EHBP1: variants seen among roughly 807,000 people sequenced by gnomAD.
The protein encoded by EHBP1 is EH domain binding protein 1.
A neutral mutation model predicts 144.0 loss-of-function variants in EHBP1; 55 were observed. That is an observed-to-expected ratio of 0.38 (90% CI 0.31 to 0.48). The LOEUF (loss-of-function observed/expected upper bound fraction) is 0.48, where lower values mean the gene tolerates loss of function less well. Among genes scored for constraint, EHBP1 ranks in the 20% least tolerant of loss-of-function variants. The probability of loss-of-function intolerance (pLI) is 0.98; values close to 1 mark genes in which losing one functional copy is unlikely to be tolerated. For missense variants in EHBP1, 1,200 were observed against 1,364.2 expected, an observed-to-expected ratio of 0.88 and a Z score of 1.90; for synonymous variants, 469 against 472.7, an observed-to-expected ratio of 0.99 and a Z score of 0.10.
intron 19 of EHBP1, among the ~76,000 whole-genome samples, chr2:63,012,825 A>G (rs1031375235): frequency 1.3e-5 from 2 of 152,200 alleles, no homozygotes; most frequent in Non-Finnish European, 2.9e-5. Flanking sequence ...ATCATTCAAG[A>G]TACAAGGGCA....
chr2:62,789,815 T>C (rs1156647938), intron 5 of EHBP1, among the ~76,000 whole-genome samples: 1 of 152,220 alleles, frequency 6.6e-6, no homozygotes, highest in Non-Finnish European at 1.5e-5. Flanking sequence ...CTCGTGATGC[T>C]GTCACAGATG....
chr2:62,744,685 C>T (rs2038995226), intron 2 of EHBP1, among the ~76,000 whole-genome samples: 1 of 152,092 alleles, frequency 6.6e-6, no homozygotes, highest in Non-Finnish European at 1.5e-5. Context: ...GGCATATATA[C>T]AGCTTAGGAG....
At chr2:63,024,433 T>C (rs1007721053) in intron 19 of EHBP1, among the ~76,000 whole-genome samples, 1 of 151,986 alleles carries the variant, frequency 6.6e-6, no homozygotes, top group African/African-American at 2.4e-5. Context: ...CAATACCCTG[T>C]CTCTACAAAT....
At chr2:62,760,751 A>G (rs547571422) in intron 3 of EHBP1, among the ~76,000 whole-genome samples, 2 of 152,274 alleles carry the variant, frequency 1.3e-5, no homozygotes, top group Admixed American at 6.5e-5. Context: ...AGGGCATGAT[A>G]TGGGTTTGGT....
chr2:62,949,263 G>C (rs942500650), intron 13 of EHBP1, 101 bp downstream of exon 13: 20 of 1,078,940 alleles, frequency 1.9e-5, no homozygotes, highest in Non-Finnish European at 2.5e-5. Context: ...TAAAGGTGAA[G>C]TGTAATTTCT....
At chr2:62,857,483 G>T (rs902359048) in intron 7 of EHBP1, among the ~76,000 whole-genome samples, 2 of 152,076 alleles carry the variant, frequency 1.3e-5, no homozygotes, top group Non-Finnish European at 2.9e-5. Flanking sequence ...TGTGCCCTTA[G>T]GTTTACAATG....
chr2:63,018,905 A>G (rs951040619), intron 19 of EHBP1, among the ~76,000 whole-genome samples: 3 of 152,368 alleles, frequency 2.0e-5, no homozygotes, highest in East Asian at 1.9e-4. Context: ...CTCAACAACT[A>G]TCTATGAAAC....
intron 6 of EHBP1, among the ~76,000 whole-genome samples, chr2:62,829,833 A>C (rs1485693378): frequency 6.7e-6 from 1 of 148,604 alleles, no homozygotes; most frequent in Non-Finnish European, 1.5e-5. Context: ...TTTAAGAATA[A>C]AAAAAATAGA....
chr2:62,755,101 G>A (rs2040151034), intron 3 of EHBP1, among the ~76,000 whole-genome samples: 1 of 152,194 alleles, frequency 6.6e-6, no homozygotes, highest in African/African-American at 2.4e-5. Flanking sequence ...GCTGTAGACT[G>A]GAGCTGTTCC....
intron 10 of EHBP1, among the ~76,000 whole-genome samples, chr2:62,890,082 T>C (rs2052332290): frequency 6.6e-6 from 1 of 151,196 alleles, no homozygotes; most frequent in Non-Finnish European, 1.5e-5. Context: ...TGCCTCAGCC[T>C]CCCGAGTAGC....
chr2:63,029,014 A>C (rs1375682486), intron 19 of EHBP1, among the ~76,000 whole-genome samples: 3 of 152,196 alleles, frequency 2.0e-5, no homozygotes, highest in Non-Finnish European at 4.4e-5. Context: ...GTTCATAACC[A>C]GCAAACTTGT....
intron 7 of EHBP1, among the ~76,000 whole-genome samples, chr2:62,847,441 G>A (rs529499022): frequency 2.6e-5 from 4 of 152,274 alleles, no homozygotes; most frequent in Admixed American, 6.5e-5. Flanking sequence ...CTCATGGTAG[G>A]CAGAGGGTTT....
intron 5 of EHBP1, among the ~76,000 whole-genome samples, chr2:62,786,484 A>G (rs1048719616): frequency 2.6e-5 from 4 of 152,124 alleles, no homozygotes; most frequent in African/African-American, 9.7e-5. Context: ...ATTAGACTCT[A>G]CCTCTTGATT....
chr2:62,743,051 T>G (rs973204504), intron 2 of EHBP1, among the ~76,000 whole-genome samples: 5 of 152,122 alleles, frequency 3.3e-5, no homozygotes, highest in Non-Finnish European at 5.9e-5. Flanking sequence ...TAAACACAGA[T>G]AGCATTTTGA....
In EHBP1 at chr2:62,926,762, C is replaced by T. The variant is rs962098672; in HGVS notation, c.1186-15956C>T. ...TGGTGGGAATGCAAGCCACTATAGC[C>T]GCTATGGAGAACACTATGGAGGTCT... On this transcript the variant is annotated intron_variant, in intron 10 of 22. Transcript: ENST00000431489. Among the ~76,000 whole-genome samples, 106 of 152,078 alleles carry T rather than the reference C, an allele frequency of 7.0e-4. 1 individual carries two copies. The highest frequency in any genetic ancestry group is 2.2e-3 in the African/African-American group (93 of 41,506).
intron 5 of EHBP1, among the ~76,000 whole-genome samples, chr2:62,816,809 G>A (rs2045483989): frequency 6.6e-6 from 1 of 152,062 alleles, no homozygotes; most frequent in Non-Finnish European, 1.5e-5. Context: ...TACTGAAGTG[G>A]CTCACTGCCT....
At chr2:62,997,553 G>GA (rs2059690414) in intron 19 of EHBP1, among the ~76,000 whole-genome samples, 1 of 149,938 alleles carries the variant, frequency 6.7e-6, no homozygotes, top group African/African-American at 2.5e-5. Context: ...GTTATATTAA[G>GA]AAAAAAAGTC....
intron 9 of EHBP1, among the ~76,000 whole-genome samples, chr2:62,871,400 A>G (rs2050470822): frequency 6.6e-6 from 1 of 152,186 alleles, no homozygotes; most frequent in Admixed American, 6.5e-5. Flanking sequence ...AACTTGCTCA[A>G]TCATCTGGGG....
At chr2:62,940,995 G>C (rs2056724398) in intron 10 of EHBP1, among the ~76,000 whole-genome samples, 1 of 152,070 alleles carries the variant, frequency 6.6e-6, no homozygotes, top group Non-Finnish European at 1.5e-5. Flanking sequence ...ACTGATAATT[G>C]AATCGATGTA....
Sources: gnomAD v4.1 joint callset for allele counts (sites outside exome capture counted in the v4.1 genomes callset) on GRCh38, gnomAD v4.1.1 for gene constraint, MANE v1.5 for transcripts, NCBI Gene and HGNC (gene_info 2026-07-23, HGNC 2026-07-21) for gene names.